ARID1B: variants seen among roughly 807,000 people sequenced by gnomAD.
ARID1B encodes the protein AT-rich interaction domain 1B, also known as AT-rich interactive domain-containing protein 1B.
ARID1B carries 30 observed loss-of-function variants against 212.3 expected under a neutral mutation model. The observed-to-expected ratio is 0.14, with a 90% CI of 0.11 to 0.19. The LOEUF is 0.19. Among genes scored for constraint, ARID1B ranks in the 10% least tolerant of loss-of-function variants. The pLI is 1.00. For synonymous variants in ARID1B, 1,402 were observed against 1,301.7 expected (o/e 1.08, Z -1.66); for missense variants, 2,891 against 3,204.0 (o/e 0.90, Z 2.36).
At chr6:156,938,306 A>G (rs879273653) in intron 4 of ARID1B, 3 of 152,114 alleles carry the variant, frequency 2.0e-5, no homozygotes, top group Non-Finnish European at 2.9e-5. Flanking sequence ...TACTTTTATT[A>G]GATACTGTAG....
intron 5 of ARID1B, among the ~76,000 whole-genome samples, chr6:157,106,090 A>G (rs145637607): frequency 6.6e-6 from 1 of 152,236 alleles, no homozygotes; most frequent in East Asian, 1.9e-4. Flanking sequence ...CCCCAGCAAT[A>G]CAAAAATACA....
chr6:157,111,862 G>A (rs1038819781), intron 6 of ARID1B, among the ~76,000 whole-genome samples: 2 of 152,150 alleles, frequency 1.3e-5, no homozygotes, highest in African/African-American at 4.8e-5. Flanking sequence ...CAGTGTGTGA[G>A]AATCACCTGG....
chr6:157,073,345 C>CT (rs1169667468), intron 4 of ARID1B, among the ~76,000 whole-genome samples: 1 of 152,152 alleles, frequency 6.6e-6, no homozygotes, highest in South Asian at 2.1e-4. Flanking sequence ...CTCAGGTGAT[C>CT]TGCCTGCCTC....
intron 4 of ARID1B, among the ~76,000 whole-genome samples, chr6:156,988,596 T>C (rs1388849620): frequency 6.6e-6 from 1 of 152,180 alleles, no homozygotes; most frequent in Admixed American, 6.5e-5. Context: ...CAGAGGAGCT[T>C]TCTTACCTGC....
Position 157,004,897 on chromosome 6 carries a change from C to CTTTTTTGTTTTTT in ARID1B, c.2247+69327_2247+69328insGTTTTTTTTTTTT, listed in dbSNP as rs1562542228. 1.1e-3 allele frequency among the ~76,000 whole-genome samples: 59 copies of CTTTTTTGTTTTTT among 54,724 alleles called. 3 individuals are homozygous for CTTTTTTGTTTTTT. The highest frequency in any genetic ancestry group is 1.4e-3 in the African/African-American group (19 of 13,838). 35.9% of individuals were successfully genotyped at this position (54,724 alleles called of 152,430 possible). A position where few individuals can be genotyped will look rare whatever the true frequency, so the allele number is the denominator to read the frequency against. ...TTTTTTCTTTTTCTTCTTCTTTTTT[C>CTTTTTTGTTTTTT]TTTTTTTTTTTTTTTTTTTTTTTTT... On this transcript the variant is annotated intron_variant, in intron 4 of 19. Transcript: ENST00000636930.
At chr6:156,909,164 C>T (rs1789662792) in intron 3 of ARID1B, among the ~76,000 whole-genome samples, 3 of 123,314 alleles carry the variant, frequency 2.4e-5, no homozygotes, top group South Asian at 2.5e-4. Context: ...CTCGCTCTGT[C>T]GCCCAGGCTG....
chr6:156,870,744 C>T (rs1786061801), intron 2 of ARID1B, among the ~76,000 whole-genome samples: 1 of 150,930 alleles, frequency 6.6e-6, no homozygotes, highest in African/African-American at 2.4e-5. Context: ...AAAAAAAAGT[C>T]ACATATATCC....
At chr6:157,002,220 T>C (rs1778952892) in intron 4 of ARID1B, among the ~76,000 whole-genome samples, 1 of 152,250 alleles carries the variant, frequency 6.6e-6, no homozygotes, top group African/African-American at 2.4e-5. Flanking sequence ...AATGTTTAAC[T>C]TTGAAAGTTA....
intron 7 of ARID1B, among the ~76,000 whole-genome samples, chr6:157,136,104 A>G (rs538576779): frequency 4.6e-5 from 7 of 152,222 alleles, no homozygotes; most frequent in Non-Finnish European, 1.0e-4. Flanking sequence ...AGTGTTTTTT[A>G]TATATTAACT....
chr6:156,861,392 G>T (rs1245047059), intron 2 of ARID1B, among the ~76,000 whole-genome samples: 2 of 152,052 alleles, frequency 1.3e-5, no homozygotes, highest in African/African-American at 4.8e-5. Flanking sequence ...CTGGACACAG[G>T]ATTTCGAGGA....
intron 2 of ARID1B, among the ~76,000 whole-genome samples, chr6:156,884,877 T>C (rs1369015958): frequency 6.6e-6 from 1 of 152,212 alleles, no homozygotes; most frequent in Non-Finnish European, 1.5e-5. Flanking sequence ...CCTTATACCT[T>C]GTCTTGAGCT....
intron 5 of ARID1B, among the ~76,000 whole-genome samples, chr6:157,105,195 A>C (rs1701851936): frequency 1.3e-5 from 2 of 152,094 alleles, no homozygotes; most frequent in South Asian, 4.1e-4. Context: ...AGGGAGATGG[A>C]AAAAAAACAT....
intron 2 of ARID1B, among the ~76,000 whole-genome samples, chr6:156,848,204 T>G (rs1483826861): frequency 6.6e-6 from 1 of 152,266 alleles, no homozygotes; most frequent in African/African-American, 2.4e-5. Context: ...CCTTAGCTCC[T>G]CAGCCTTCAG....
intron 5 of ARID1B, among the ~76,000 whole-genome samples, chr6:157,108,975 C>T (rs1478867483): frequency 6.6e-6 from 1 of 152,186 alleles, no homozygotes; most frequent in African/African-American, 2.4e-5. Flanking sequence ...CTTCTCTAAA[C>T]AAAGCCTAAA....
chr6:156,902,446 T>C (rs1789025705), intron 3 of ARID1B, among the ~76,000 whole-genome samples: 1 of 152,202 alleles, frequency 6.6e-6, no homozygotes, highest in African/African-American at 2.4e-5. Flanking sequence ...TCGTGGATAT[T>C]AAGCAAAATA....
chr6:156,791,650 T>C (rs1290572452), intron 1 of ARID1B, among the ~76,000 whole-genome samples: 1 of 152,138 alleles, frequency 6.6e-6, no homozygotes, highest in Non-Finnish European at 1.5e-5. Context: ...TGCAAGGAAA[T>C]TGGATTCAAA....
In ARID1B at chr6:157,167,045, G is replaced by A. The variant is rs2128290237; in HGVS notation, c.3095G>A (p.Gly1032Asp). 1.2e-6 allele frequency: 2 copies of A among 1,611,152 alleles called. No homozygotes were observed. The highest frequency in any genetic ancestry group is 2.2e-5 in the East Asian group (1 of 44,880). The change falls in exon 9 of 20, where the codon GGC becomes GAC. Residue 1032 changes from glycine (G) to aspartate (D), a missense_variant. Physicochemically the swap from Gly to Asp is moderately conservative, Grantham distance 94. Around this residue, in one of 7 missense-constraint regions of ARID1B, gnomAD observed 1,643 missense variants for 1,544.0 expected, o/e 1.06. Transcript: ENST00000636930. Reference protein sequence around the residue: ...AAANSAQSRQGSFPGMNQSGL... With the variant: ...AAANSAQSRQDSFPGMNQSGL... ...TGTGCTTTCTCTTCCTGTAGGCAAG[G>A]CAGTTTCCCCGGCATGAACCAGAGT... is the stretch of plus-strand genomic sequence containing the variant.
chr6:156,861,991 G>T (rs367918816), intron 2 of ARID1B, among the ~76,000 whole-genome samples: 1 of 152,200 alleles, frequency 6.6e-6, no homozygotes, highest in African/African-American at 2.4e-5. Context: ...AGTGTGCAGC[G>T]TGGGCATCCA....
At chr6:156,860,472 A>G (rs1171268696) in intron 2 of ARID1B, among the ~76,000 whole-genome samples, 1 of 152,214 alleles carries the variant, frequency 6.6e-6, no homozygotes, top group Admixed American at 6.5e-5. Flanking sequence ...CAGGAACAAG[A>G]AGACCATTAA....
Sources: gnomAD v4.1 joint callset for allele counts (sites outside exome capture counted in the v4.1 genomes callset) on GRCh38, gnomAD v4.1.1 for gene constraint, gnomAD v4.1.1 regional missense constraint, MANE v1.5 for transcripts, NCBI Gene and HGNC (gene_info 2026-07-23, HGNC 2026-07-21) for gene names.